Variants in CORO2B observed in about 807,000 individuals in gnomAD.
The protein encoded by CORO2B is coronin 2B, also known as coronin-2B.
In CORO2B, 26 loss-of-function variants were observed where a neutral mutation model predicts 58.8. The ratio of observed to expected loss-of-function variants is 0.44; its 90% confidence interval spans 0.32 to 0.61. The LOEUF (loss-of-function observed/expected upper bound fraction) is 0.61, where lower values mean the gene tolerates loss of function less well. Among genes scored for constraint, CORO2B ranks in the 20% least tolerant of loss-of-function variants. The pLI is 0.04. For missense variants in CORO2B, 460 were observed against 645.1 expected (o/e 0.71, Z 3.11); for synonymous variants, 242 against 253.8 (o/e 0.95, Z 0.44).
At chr15:68,537,848 G>A in the CORO2B span, among the ~76,000 whole-genome samples, 1 of 152,194 alleles carries the variant, frequency 6.6e-6, no homozygotes, top group African/African-American at 2.4e-5. Context: ...ATCCTCTGTG[G>A]CAAAACCTAA....
intron 2 of CORO2B, among the ~76,000 whole-genome samples, chr15:68,647,737 G>A (rs1901486503): frequency 6.6e-6 from 1 of 150,666 alleles, no homozygotes; most frequent in Non-Finnish European, 1.5e-5. Flanking sequence ...GCCAGGTGCC[G>A]TGGCTCACGC....
chr15:68,596,192 A>G (rs916612041), intron 1 of CORO2B, among the ~76,000 whole-genome samples: 6 of 152,130 alleles, frequency 3.9e-5, no homozygotes, highest in South Asian at 2.1e-4. Flanking sequence ...TTCATTAAGC[A>G]TGCACTGTGC....
chr15:68,706,247 G>A (rs147259558), intron 3 of CORO2B, among the ~76,000 whole-genome samples: 219 of 152,228 alleles, frequency 1.4e-3, no homozygotes, highest in Non-Finnish European at 1.5e-3. Context: ...CCTCCTCACC[G>A]CTTCCAACAT....
chr15:68,585,773 T>C (rs1180048860), intron 1 of CORO2B, among the ~76,000 whole-genome samples: 2 of 152,210 alleles, frequency 1.3e-5, no homozygotes, highest in Non-Finnish European at 2.9e-5. Context: ...GATTTGCCTG[T>C]GGTCTTTACT....
rs190312033 is a variant in CORO2B at position 68,690,186 on chromosome 15, G to A, written c.217-4954G>A. 1.6e-3 allele frequency among the ~76,000 whole-genome samples: 242 copies of A among 152,310 alleles called. 1 individual carries two copies. Among genetic ancestry groups the A allele is most frequent in the African/African-American group, 5.7e-3 (237 of 41,564 alleles). ...ATTTGGTGGCATTAGCCTGAAATCAGTGATCGTGGGAATATTTACACCACC... is the reference window on the plus strand; with the variant it reads ...ATTTGGTGGCATTAGCCTGAAATCAATGATCGTGGGAATATTTACACCACC... On this transcript the variant is annotated intron_variant, in intron 2 of 11. Transcript: ENST00000261861.
In CORO2B at chr15:68,726,908, C is replaced by CAGT. The variant is rs1490696804; in HGVS notation, c.*938_*940dup. 2 of 152,332 alleles carry CAGT rather than the reference C, an allele frequency of 1.3e-5. No homozygotes were observed. The highest frequency in any genetic ancestry group is 2.9e-5 in the Non-Finnish European group (2 of 68,150). 9.4% of individuals were successfully genotyped at this position (152,332 alleles called of 1,614,324 possible). ...GCCACTGCTACCGTCTACCCAGCAC[C>CAGT]AGTAGTGCCGATGTGCCACACTGCC... On this transcript the variant is annotated 3_prime_UTR_variant, in exon 12 of 12. Transcript: ENST00000261861.
At chr15:68,637,382 G>T (rs577672883) in intron 1 of CORO2B, among the ~76,000 whole-genome samples, 3 of 152,212 alleles carry the variant, frequency 2.0e-5, no homozygotes, top group Non-Finnish European at 4.4e-5. Flanking sequence ...CACCTTTCCC[G>T]GGTGGAGGGG....
upstream of CORO2B, among the ~76,000 whole-genome samples, chr15:68,575,320 G>A (rs1899258345): frequency 6.6e-6 from 1 of 151,680 alleles, no homozygotes; most frequent in South Asian, 2.1e-4. Context: ...CTCCTGCAGT[G>A]ACCCTGAGAA....
intron 1 of CORO2B, among the ~76,000 whole-genome samples, chr15:68,622,857 C>A (rs1900566936): frequency 6.6e-6 from 1 of 152,204 alleles, no homozygotes; most frequent in African/African-American, 2.4e-5. Context: ...TCTCATTGAA[C>A]AGACTGGGAA....
At chr15:68,597,209 G>A (rs1899854258) in intron 1 of CORO2B, among the ~76,000 whole-genome samples, 1 of 152,158 alleles carries the variant, frequency 6.6e-6, no homozygotes, top group Non-Finnish European at 1.5e-5. Flanking sequence ...TTGCTCGCCT[G>A]GCTGCTGGCA....
the CORO2B span, among the ~76,000 whole-genome samples, chr15:68,571,484 G>A: frequency 6.6e-6 from 1 of 152,174 alleles, no homozygotes. Flanking sequence ...ACCTGAACAA[G>A]AAAAGATAAT....
At chr15:68,650,317 A>T in intron 2 of CORO2B, among the ~76,000 whole-genome samples, 1 of 129,694 alleles carries the variant, frequency 7.7e-6, no homozygotes, top group Non-Finnish European at 1.6e-5. Context: ...AGATCGCGCC[A>T]CTGCTCTCCA....
At chr15:68,521,427 T>A in the CORO2B span, among the ~76,000 whole-genome samples, 2 of 152,316 alleles carry the variant, frequency 1.3e-5, no homozygotes, top group African/African-American at 4.8e-5. Flanking sequence ...ACATTTTAGT[T>A]CTATATATAT....
intron 2 of CORO2B, among the ~76,000 whole-genome samples, chr15:68,661,479 G>A (rs1395115839): frequency 1.3e-5 from 2 of 152,212 alleles, no homozygotes; most frequent in Non-Finnish European, 2.9e-5. Flanking sequence ...TGGTTATCCA[G>A]GCCTTCTTGT....
the CORO2B span, among the ~76,000 whole-genome samples, chr15:68,529,774 A>G: frequency 1.3e-5 from 2 of 152,236 alleles, no homozygotes; most frequent in Non-Finnish European, 2.9e-5. Flanking sequence ...CCATTCTAAT[A>G]TGAGCATTTA....
the CORO2B span, among the ~76,000 whole-genome samples, chr15:68,536,076 C>T: frequency 3.3e-5 from 5 of 152,132 alleles, no homozygotes; most frequent in Non-Finnish European, 2.9e-5. Context: ...GAAAATTTGG[C>T]TTGAAATAGA....
chr15:68,577,824 C>G (rs1242570002), upstream of CORO2B, among the ~76,000 whole-genome samples: 1 of 152,068 alleles, frequency 6.6e-6, no homozygotes, highest in Non-Finnish European at 1.5e-5. Context: ...ACTGGTCTCC[C>G]GGAAGGCAGG....
chr15:68,651,108 A>T (rs1901625846), intron 2 of CORO2B, among the ~76,000 whole-genome samples: 1 of 152,208 alleles, frequency 6.6e-6, no homozygotes, highest in Admixed American at 6.5e-5. Flanking sequence ...AGGGTGAGGC[A>T]GCTCCTTGAT....
At chr15:68,640,414 C>T (rs568252423) in intron 1 of CORO2B, among the ~76,000 whole-genome samples, 1 of 152,004 alleles carries the variant, frequency 6.6e-6, no homozygotes, top group South Asian at 2.1e-4. Flanking sequence ...ACAGGAACAA[C>T]TTTGGCATTG....
Sources: gnomAD v4.1 joint callset for allele counts (sites outside exome capture counted in the v4.1 genomes callset) on GRCh38, gnomAD v4.1.1 for gene constraint, MANE v1.5 for transcripts, NCBI Gene and HGNC (gene_info 2026-07-23, HGNC 2026-07-21) for gene names.